The following TMEM141 variants were observed in gnomAD, a reference collection of about 807,000 sequenced individuals.
TMEM141 encodes transmembrane protein 141.
TMEM141 carries 18 observed loss-of-function variants against 15.9 expected under a neutral mutation model. That is an observed-to-expected ratio of 1.13 (90% CI 0.78 to 1.68). The LOEUF (loss-of-function observed/expected upper bound fraction) is 1.68. Among genes scored for constraint, TMEM141 ranks in the 40% most tolerant of loss-of-function variants. The probability of loss-of-function intolerance (pLI) is 0.00; values close to 1 mark genes in which losing one functional copy is unlikely to be tolerated. For synonymous variants in TMEM141, 69 were observed against 54.0 expected, an observed-to-expected ratio of 1.28 and a Z score of -1.22; for missense variants, 161 against 139.5, an observed-to-expected ratio of 1.15 and a Z score of -0.78.
rs1847586707 is a variant in TMEM141 at position 136,791,358 on chromosome 9, A to G, written c.-13A>G. On this transcript the variant is annotated 5_prime_UTR_variant, in exon 1 of 5. Transcript: ENST00000290079. ...TGCGCCTGCGCAGGCCCGCTCCCCG[A>G]GCCCTGCCAACCATGGTGAACTTGG... is the stretch of plus-strand genomic sequence containing the variant. The G allele has an allele frequency of 1.9e-6, 3 of 1,555,898 alleles. No individual in the cohort carries two copies. The highest frequency in any genetic ancestry group is 1.2e-5 in the South Asian group (1 of 84,618).
At position 136,792,887 on chromosome 9, in the gene TMEM141, C is replaced by G. The variant is rs1004468898; in HGVS notation, c.*55C>G. The G allele has an allele frequency of 1.4e-6, 2 of 1,474,124 alleles. No individual in the cohort carries two copies. Among genetic ancestry groups the G allele is most frequent in the South Asian group, 2.9e-5 (2 of 68,942 alleles). 91.3% of individuals were successfully genotyped at this position (1,474,124 alleles called of 1,614,324 possible). ...GGGGCAGGAGGAGTCTGGAACACAGCCTTCATGCCCCCTGACCCCAGGCCG... is the reference window on the plus strand; with the variant it reads ...GGGGCAGGAGGAGTCTGGAACACAGGCTTCATGCCCCCTGACCCCAGGCCG... On this transcript the variant is annotated 3_prime_UTR_variant, in exon 5 of 5. Transcript: ENST00000290079.
intron 1 of TMEM141, 130 bp from the exon 2 acceptor site, chr9:136,791,581 G>T (rs748218758): frequency 6.4e-7 from 1 of 1,567,818 alleles, no homozygotes; most frequent in Non-Finnish European, 8.7e-7. Flanking sequence ...TGGGCATAGG[G>T]GAGGTGGGAC....
At chr9:136,792,077 C>G in intron 3 of TMEM141, 47 bp downstream of exon 3, 1 of 1,608,670 alleles carries the variant, frequency 6.2e-7, no homozygotes. Context: ...GGGTGGGTTT[C>G]TGCTAGGGTT....
At chr9:136,791,490 C>A in intron 1 of TMEM141, 66 bp downstream of exon 1, 13 of 1,547,470 alleles carry the variant, frequency 8.4e-6, no homozygotes, top group Non-Finnish European at 1.1e-5. Flanking sequence ...GGCGGGGGGC[C>A]GGGGCGTGGG....
chr9:136,791,376 G>C lies in TMEM141; in HGVS notation c.6G>C (p.Val2=), dbSNP rs928871450. The change falls in exon 1 of 5, where the codon GTG becomes GTC. Residue 2 remains valine, a synonymous_variant. Transcript: ENST00000290079. ...CTCCCCGAGCCCTGCCAACCATGGT[G>C]AACTTGGGTCTGTCCCGGGTGGACG... is the stretch of plus-strand genomic sequence containing the variant. M[V]NLGLSRVDDA... 3.2e-6 allele frequency: 5 copies of C among 1,561,616 alleles called. No homozygotes were observed. In the African/African-American group the frequency reaches 5.4e-5, roughly 17 times the overall value.
At chr9:136,791,911 C>T (rs532335687) in intron 2 of TMEM141, 36 bp from the exon 3 acceptor site, 8 of 1,613,740 alleles carry the variant, frequency 5.0e-6, no homozygotes, top group East Asian at 4.5e-5. Context: ...TGGCTATCCC[C>T]GGGTACAGGT....
At position 136,792,078 on chromosome 9, in the gene TMEM141, T is replaced by C; in HGVS notation, c.205+48T>C. 3.1e-6 allele frequency: 5 copies of C among 1,608,120 alleles called. No homozygotes were observed. In the East Asian group the frequency reaches 1.1e-4, roughly 36 times the overall value. On this transcript the variant is annotated intron_variant, in intron 3 of 4. Coordinates refer to ENST00000290079, the MANE Select transcript of TMEM141 (RefSeq NM_032928.4). ...CTGGGCTCTTTGAGGGGTGGGTTTCTGCTAGGGTTGGGGCTGTGGTTCTGC... is the reference window on the plus strand; with the variant it reads ...CTGGGCTCTTTGAGGGGTGGGTTTCCGCTAGGGTTGGGGCTGTGGTTCTGC...
intron 1 of TMEM141, 73 bp from the exon 2 acceptor site, chr9:136,791,638 C>A: frequency 6.3e-7 from 1 of 1,593,636 alleles, no homozygotes; most frequent in African/African-American, 1.3e-5. Flanking sequence ...AGGGTGTGCC[C>A]AGAGGAGGGA....
At chr9:136,792,074 TTTCTGCTAGGGTTGGGGCTGTGG>T in intron 3 of TMEM141, 44 bp downstream of exon 3, 1 of 1,609,032 alleles carries the variant, frequency 6.2e-7, no homozygotes, top group Non-Finnish European at 8.5e-7. Flanking sequence ...GAGGGGTGGG[TTTCTGCTAGGGTTGGGGCTGTGG>T]TTCTGCGTCC....
Position 136,792,929 on chromosome 9 carries a change from A to AG in TMEM141, c.*100dup, listed in dbSNP as rs1224148963. On this transcript the variant is annotated 3_prime_UTR_variant, in exon 5 of 5. Coordinates refer to ENST00000290079, the MANE Select transcript of TMEM141 (RefSeq NM_032928.4). ...CCCAGGCCGACCCTCCCCACACCCTAGGGTACCCCAGTCGTATCCTCTGTC... is the reference window on the plus strand; with the variant it reads ...CCCAGGCCGACCCTCCCCACACCCTAGGGGTACCCCAGTCGTATCCTCTGTC... 5.7e-6 allele frequency: 8 copies of AG among 1,395,416 alleles called. No individual in the cohort carries two copies. In the African/African-American group the frequency reaches 1.2e-4, roughly 20 times the overall value. The allele number at this position is 1,395,416 out of a possible 1,614,324, so 86.4% of individuals were successfully genotyped here.
Position 136,791,580 on chromosome 9 carries a change from G to A in TMEM141, c.55-131G>A. On this transcript the variant is annotated intron_variant, in intron 1 of 4. Coordinates refer to ENST00000290079, the MANE Select transcript of TMEM141 (RefSeq NM_032928.4). ...GCTCAGGGCGTCCGGGTGGGCATAG[G>A]GGAGGTGGGACGTGTCCAAGCGCCC... The A allele has an allele frequency of 2.6e-6, 4 of 1,567,214 alleles. No homozygotes were observed. In the South Asian group the frequency reaches 4.8e-5, roughly 19 times the overall value.
intron 4 of TMEM141, among the ~76,000 whole-genome samples, chr9:136,792,597 A>G (rs1294238396): frequency 6.6e-6 from 1 of 152,154 alleles, no homozygotes; most frequent in East Asian, 1.9e-4. Context: ...CCTGAGATTG[A>G]GAGGAAGGGT....
chr9:136,791,766 C>CGA lies in TMEM141; in HGVS notation c.110_111insGA (p.Phe38ThrfsTer29). On this transcript the variant is annotated frameshift_variant, in exon 2 of 5. Coordinates refer to ENST00000290079, the MANE Select transcript of TMEM141 (RefSeq NM_032928.4). LOFTEE classifies it high-confidence loss of function. ...CACGCCTTCATGAAGGGCGTTTTCA[C>CGA]CTTCGTCACAGGTAGGCTGCGTCCA... The CGA allele has an allele frequency of 6.2e-7, 1 of 1,613,584 alleles. No homozygotes were observed.
At chr9:136,791,605 C>T in intron 1 of TMEM141, 106 bp from the exon 2 acceptor site, 4 of 1,570,734 alleles carry the variant, frequency 2.5e-6, no homozygotes, top group Non-Finnish European at 2.6e-6. Context: ...TCCAAGCGCC[C>T]AGGGTCTCAC....
chr9:136,792,927 C>G lies in TMEM141; in HGVS notation c.*95C>G. 3.6e-6 allele frequency: 5 copies of G among 1,399,290 alleles called. No individual in the cohort carries two copies. Among genetic ancestry groups the G allele is most frequent in the Non-Finnish European group, 4.7e-6 (5 of 1,070,712 alleles). The allele number at this position is 1,399,290 out of a possible 1,614,324, so 86.7% of individuals were successfully genotyped here. ...ACCCCAGGCCGACCCTCCCCACACC[C>G]TAGGGTACCCCAGTCGTATCCTCTG... On this transcript the variant is annotated 3_prime_UTR_variant, in exon 5 of 5. Coordinates refer to ENST00000290079, the MANE Select transcript of TMEM141 (RefSeq NM_032928.4).
Position 136,791,746 on chromosome 9 carries a change from C to T in TMEM141, c.90C>T (p.Ala30=), listed in dbSNP as rs768638799. 1.9e-6 allele frequency: 3 copies of T among 1,613,578 alleles called. No individual in the cohort carries two copies. Among genetic ancestry groups the T allele is most frequent in the South Asian group, 2.2e-5 (2 of 91,080 alleles). Residue 30 remains alanine, a synonymous_variant, in exon 2 of 5, where the codon GCC becomes GCT. Coordinates refer to ENST00000290079, the MANE Select transcript of TMEM141 (RefSeq NM_032928.4). ...AGTATGCCGCATGCCAGTCACACGC[C>T]TTCATGAAGGGCGTTTTCACCTTCG... ...LGEYAACQSH[A]FMKGVFTFVT... is the part of the protein sequence containing the mutation.
rs908557575 is a variant in TMEM141 at position 136,791,963 on chromosome 9, T to G, written c.138T>G (p.Phe46Leu). The G allele has an allele frequency of 2.5e-6, 4 of 1,614,104 alleles. No homozygotes were observed. Among genetic ancestry groups the G allele is most frequent in the Non-Finnish European group, 2.5e-6 (3 of 1,180,004 alleles). Residue 46 changes from phenylalanine (F) to leucine (L), a missense_variant, in exon 3 of 5, where the codon TTT (phenylalanine) becomes TTG (leucine). Transcript: ENST00000290079. ...TCTTTGCAGGCACCGGCATGGCCTTTGGCTTGCAGATGTTCATTCAGAGGA... is the reference window on the plus strand; with the variant it reads ...TCTTTGCAGGCACCGGCATGGCCTTGGGCTTGCAGATGTTCATTCAGAGGA... ...FTFVTGTGMA[F>L]GLQMFIQRKF...
At chr9:136,791,607 G>A in intron 1 of TMEM141, 104 bp from the exon 2 acceptor site, 1 of 1,571,786 alleles carries the variant, frequency 6.4e-7, no homozygotes, top group Non-Finnish European at 8.6e-7. Flanking sequence ...CAAGCGCCCA[G>A]GGTCTCACTC....
intron 2 of TMEM141, 39 bp downstream of exon 2, chr9:136,791,816 GCA>G (rs1564344960): frequency 6.2e-7 from 1 of 1,608,634 alleles, no homozygotes; most frequent in Admixed American, 1.7e-5. Context: ...GGGAGAGAAC[GCA>G]CCCTCCCGCC....
Sources: gnomAD v4.1 joint callset for allele counts (sites outside exome capture counted in the v4.1 genomes callset) on GRCh38, gnomAD v4.1.1 for gene constraint, MANE v1.5 for transcripts, NCBI Gene and HGNC (gene_info 2026-07-23, HGNC 2026-07-21) for gene names.